The following HPCAL1 variants were observed in gnomAD, a reference collection of about 807,000 sequenced individuals.
The protein encoded by HPCAL1 is hippocalcin-like protein 1.
Under a neutral mutation model 17.1 loss-of-function variants are expected in HPCAL1, and 8 were observed. The ratio of observed to expected loss-of-function variants is 0.47; its 90% confidence interval spans 0.27 to 0.84. The LOEUF is 0.84. HPCAL1 is among the 40% of genes least tolerant of loss of function. HPCAL1 has a pLI of 0.13. For synonymous variants in HPCAL1, 112 were observed against 111.4 expected (o/e 1.01, Z -0.03); for missense variants, 165 against 271.1 (o/e 0.61, Z 2.75).
intron 1 of HPCAL1, among the ~76,000 whole-genome samples, chr2:10,375,774 A>G (rs958606979): frequency 2.0e-5 from 3 of 152,340 alleles, no homozygotes; most frequent in Admixed American, 1.3e-4. Context: ...CCCCTTATGC[A>G]TGGTAGGCAC....
Position 10,419,664 on chromosome 2 carries a change from T to C in HPCAL1, c.-24-70T>C. 6.9e-7 allele frequency: 1 copy of C among 1,457,770 alleles called. No individual in the cohort carries two copies. Among genetic ancestry groups the C allele is most frequent in the Non-Finnish European group, 9.1e-7 (1 of 1,094,116 alleles). 90.3% of individuals were successfully genotyped at this position (1,457,770 alleles called of 1,614,324 possible). A position where few individuals can be genotyped will look rare whatever the true frequency, so the allele number is the denominator to read the frequency against. The stretch of plus-strand genomic sequence containing the variant: ...TGCACAGCGATGGGCTTATTTGGTC[T>C]CTCCGGCACATGGCTCAGCCCTGCT... On this transcript the variant is annotated intron_variant, in intron 2 of 4. Coordinates refer to ENST00000307845, the MANE Select transcript of HPCAL1 (RefSeq NM_002149.4). The surrounding 1 kb of genome is among the most constrained non-coding windows in gnomAD (Gnocchi z 5.0).
intron 4 of HPCAL1, 62 bp from the exon 5 acceptor site, chr2:10,426,662 C>G (rs1671426491): frequency 7.4e-7 from 1 of 1,344,656 alleles, no homozygotes; most frequent in Non-Finnish European, 1.1e-6. Flanking sequence ...TGTCCCCATC[C>G]TCTCTGGAAG....
chr2:10,340,586 G>C (rs887770271), intron 1 of HPCAL1, among the ~76,000 whole-genome samples: 1 of 152,220 alleles, frequency 6.6e-6, no homozygotes. Context: ...AGGCTCAGAG[G>C]GGACTGAACT....
rs565324944 is a variant in HPCAL1, at chr2:10,351,760, A to G, written c.-110-45075A>G. Among the ~76,000 whole-genome samples the G allele has an allele frequency of 4.6e-5, 7 of 152,072 alleles. No homozygotes were observed. The East Asian group carries it at 1.4e-3, about 29-fold the overall frequency. ...GGTGACAGAGCAACACCCTGTCTCAAATATAAAACAAACAAACAAATAAAG... is the reference window on the plus strand; with the variant it reads ...GGTGACAGAGCAACACCCTGTCTCAGATATAAAACAAACAAACAAATAAAG... On this transcript the variant is annotated intron_variant, in intron 1 of 4. Coordinates refer to ENST00000307845, the MANE Select transcript of HPCAL1 (RefSeq NM_002149.4).
At chr2:10,356,500 A>G (rs543657739) in intron 1 of HPCAL1, among the ~76,000 whole-genome samples, 450 of 152,232 alleles carry the variant, frequency 3.0e-3, no homozygotes, top group Non-Finnish European at 5.4e-3. Context: ...GTCCCCTTCC[A>G]TCCTGCAGCC....
intron 1 of HPCAL1, among the ~76,000 whole-genome samples, chr2:10,339,515 T>G (rs938082542): frequency 2.0e-5 from 3 of 152,160 alleles, no homozygotes; most frequent in Admixed American, 1.3e-4. Flanking sequence ...CCTGATTAAT[T>G]TTTTTGTATT....
chr2:10,396,064 G>A (rs192305387), intron 1 of HPCAL1, among the ~76,000 whole-genome samples: 37 of 152,352 alleles, frequency 2.4e-4, no homozygotes, highest in African/African-American at 8.9e-4. Flanking sequence ...GAACGCTTGT[G>A]CCAGAGCTGG....
In HPCAL1 at chr2:10,399,555, A is replaced by G. The variant is rs79223198; in HGVS notation, c.-25+2635A>G. Among the ~76,000 whole-genome samples, 274 of 54,546 alleles carry G rather than the reference A, an allele frequency of 5.0e-3. 13 individuals carry two copies. The highest frequency in any genetic ancestry group is 0.018 in the African/African-American group (191 of 10,860). 35.8% of individuals were successfully genotyped at this position (54,546 alleles called of 152,430 possible). On this transcript the variant is annotated intron_variant, in intron 2 of 4. Transcript: ENST00000307845. The stretch of plus-strand genomic sequence containing the variant: ...TGCCACCGCCACCATCACCGCCACC[A>G]CTACCGCCACCGCCACCACCACCGC...
intron 1 of HPCAL1, among the ~76,000 whole-genome samples, chr2:10,353,210 T>C (rs895232623): frequency 6.6e-6 from 1 of 152,238 alleles, no homozygotes; most frequent in African/African-American, 2.4e-5. Flanking sequence ...TTGGGCGTGC[T>C]GGGCACAGGT....
At chr2:10,308,684 A>G (rs1662773808) in intron 1 of HPCAL1, among the ~76,000 whole-genome samples, 1 of 152,118 alleles carries the variant, frequency 6.6e-6, no homozygotes, top group Non-Finnish European at 1.5e-5. Flanking sequence ...GCACCTACAG[A>G]ATACCCAAGG....
At chr2:10,369,981 C>T (rs565101882) in intron 1 of HPCAL1, among the ~76,000 whole-genome samples, 9 of 152,338 alleles carry the variant, frequency 5.9e-5, no homozygotes, top group African/African-American at 2.2e-4. Context: ...TCTCAATGTG[C>T]AGGCGCCTAC....
Position 10,367,806 on chromosome 2 carries a change from G to A in HPCAL1, c.-110-29029G>A, listed in dbSNP as rs999048055. Among the ~76,000 whole-genome samples, 3 of 152,110 alleles carry A rather than the reference G, an allele frequency of 2.0e-5. No individual in the cohort carries two copies. Among genetic ancestry groups the A allele is most frequent in the Admixed American group, 1.3e-4 (2 of 15,280 alleles). On this transcript the variant is annotated intron_variant, in intron 1 of 4. Transcript: ENST00000307845. The surrounding 1 kb of genome is among the most constrained non-coding windows in gnomAD (Gnocchi z 4.4). ...AGCCTCTGCTGCTGCGGCCACCCTC[G>A]CCGGCCCTGGATCCCCACACAGTGT...
chr2:10,373,255 G>T (rs1360654811), intron 1 of HPCAL1, among the ~76,000 whole-genome samples: 1 of 152,234 alleles, frequency 6.6e-6, no homozygotes, highest in Non-Finnish European at 1.5e-5. Flanking sequence ...CAGAGGCGAG[G>T]GAGGTGGTAA....
At chr2:10,357,959 G>A (rs1280506906) in intron 1 of HPCAL1, among the ~76,000 whole-genome samples, 1 of 152,224 alleles carries the variant, frequency 6.6e-6, no homozygotes, top group Non-Finnish European at 1.5e-5. Flanking sequence ...AACAAGCTGT[G>A]ACCTTGAGCC....
At chr2:10,355,294 A>G (rs1276642278) in intron 1 of HPCAL1, among the ~76,000 whole-genome samples, 1 of 151,296 alleles carries the variant, frequency 6.6e-6, no homozygotes, top group African/African-American at 2.4e-5. Flanking sequence ...TACTAAAAAT[A>G]CAAAAAATTA....
At position 10,419,923 on chromosome 2, in the gene HPCAL1, T is replaced by C. The variant is rs1670928484; in HGVS notation, c.166T>C (p.Phe56Leu). Residue 56 changes from phenylalanine (F) to leucine (L), a missense_variant, in exon 3 of 5, where the codon TTC becomes CTC. Coordinates refer to ENST00000307845, the MANE Select transcript of HPCAL1 (RefSeq NM_002149.4). The surrounding 1 kb of genome is among the most constrained non-coding windows in gnomAD (Gnocchi z 5.0). ...GTTCAAGAAGATCTACGCCAACTTC[T>C]TCCCCTACGGCGACGCTTCCAAGTT... ...DEFKKIYANF[F>L]PYGDASKFAE... 1.2e-6 allele frequency: 2 copies of C among 1,613,788 alleles called. No homozygotes were observed. The highest frequency in any genetic ancestry group is 1.7e-6 in the Non-Finnish European group (2 of 1,180,020).
At position 10,363,622 on chromosome 2, in the gene HPCAL1, G is replaced by T. The variant is rs115318160; in HGVS notation, c.-110-33213G>T. 2.4e-4 allele frequency among the ~76,000 whole-genome samples: 37 copies of T among 152,290 alleles called. No individual in the cohort carries two copies. The highest frequency in any genetic ancestry group is 2.6e-4 in the Admixed American group (4 of 15,302). On this transcript the variant is annotated intron_variant, in intron 1 of 4. Transcript: ENST00000307845. This position sits in a 1 kb window ranked among gnomAD's most constrained non-coding sequence, Gnocchi z 4.7. ...CACCGGGGAGCTCACAAGCTAAAGT[G>T]CAGATTCCTGGGTCATCCCAGACCT...
Position 10,384,935 on chromosome 2 carries a change from C to G in HPCAL1, c.-110-11900C>G, listed in dbSNP as rs1668211155. Among the ~76,000 whole-genome samples the G allele has an allele frequency of 6.6e-6, 1 of 152,106 alleles. No individual in the cohort carries two copies. ...AAGAGATGGAGACCATCCTGGCCAA[C>G]ATGGTGAAACCCCGTCTCTACTAAA... On this transcript the variant is annotated intron_variant, in intron 1 of 4. Transcript: ENST00000307845. The surrounding 1 kb of genome is among the most constrained non-coding windows in gnomAD (Gnocchi z 4.4).
Position 10,316,006 on chromosome 2 carries a change from C to CA in HPCAL1, c.-111+12838dup, listed in dbSNP as rs1201180973. Among the ~76,000 whole-genome samples, 80 of 150,500 alleles carry CA rather than the reference C, an allele frequency of 5.3e-4. 1 individual carries two copies. Among genetic ancestry groups the CA allele is most frequent in the South Asian group, 1.5e-3 (7 of 4,742 alleles). On this transcript the variant is annotated intron_variant, in intron 1 of 4. Transcript: ENST00000307845. ...TGGGCAACAGAGTGAGACTTGCTCTCAAAAAAAAACAACATCCAGAGTCTT... is the reference window on the plus strand; with the variant it reads ...TGGGCAACAGAGTGAGACTTGCTCTCAAAAAAAAAACAACATCCAGAGTCTT...
Sources: gnomAD v4.1 joint callset for allele counts (sites outside exome capture counted in the v4.1 genomes callset) on GRCh38, gnomAD v4.1.1 for gene constraint, Gnocchi (gnomAD v3.1) non-coding constraint, MANE v1.5 for transcripts, NCBI Gene and HGNC (gene_info 2026-07-23, HGNC 2026-07-21) for gene names.